Variants in NEXN observed in about 807,000 individuals in gnomAD.
NEXN encodes nexilin.
NEXN carries 65 observed loss-of-function variants against 92.6 expected under a neutral mutation model. That is an observed-to-expected ratio of 0.70 (90% CI 0.57 to 0.86). The LOEUF is 0.86. Among genes scored for constraint, NEXN ranks in the 40% least tolerant of loss-of-function variants. NEXN has a pLI of 0.00. For missense variants in NEXN, 778 were observed against 771.1 expected (o/e 1.01, Z -0.11); for synonymous variants, 254 against 242.5 (o/e 1.05, Z -0.44).
chr1:77,898,323 A>G (rs1647401352), intron 1 of NEXN, among the ~76,000 whole-genome samples: 1 of 152,236 alleles, frequency 6.6e-6, no homozygotes, highest in Non-Finnish European at 1.5e-5. Context: ...ATATAGATCA[A>G]TGGAACAGGA....
intron 1 of NEXN, among the ~76,000 whole-genome samples, chr1:77,914,615 T>C (rs530863834): frequency 7.4e-4 from 112 of 152,110 alleles, no homozygotes; most frequent in African/African-American, 2.5e-3. Flanking sequence ...TCCCAGCACT[T>C]TGGGAGGCCT....
chr1:77,932,136 C>CCTA (rs1474194609), intron 9 of NEXN: 1 of 152,242 alleles, frequency 6.6e-6, no homozygotes, highest in Non-Finnish European at 1.5e-5. Flanking sequence ...CCATGTTAGT[C>CCTA]AGGCTGGTCT....
chr1:77,934,855 A>C (rs1780050), intron 10 of NEXN, among the ~76,000 whole-genome samples: 56,957 of 152,134 alleles, frequency 0.37, 10,904 homozygotes, highest in East Asian at 0.54. Context: ...CCAATTTATA[A>C]CCTAGGAACC....
At chr1:77,889,288 A>T (rs568622252) in intron 1 of NEXN, 87 of 150,558 alleles carry the variant, frequency 5.8e-4, no homozygotes, top group African/African-American at 2.0e-3. Context: ...ATGGGGAGAA[A>T]TATGATTTAA....
intron 1 of NEXN, among the ~76,000 whole-genome samples, chr1:77,894,331 T>C (rs1359925579): frequency 6.6e-6 from 1 of 152,200 alleles, no homozygotes; most frequent in Non-Finnish European, 1.5e-5. Context: ...ATAGGTGAAA[T>C]AGGATCTAAT....
chr1:77,940,796 TATA>T (rs1023540564), intron 11 of NEXN, among the ~76,000 whole-genome samples: 7 of 152,124 alleles, frequency 4.6e-5, no homozygotes, highest in Non-Finnish European at 1.5e-5. Flanking sequence ...GTCTTTTATG[TATA>T]ATAATTTTTT....
chr1:77,942,608 G>A lies in NEXN; in HGVS notation c.1807G>A (p.Val603Ile). 6.2e-7 allele frequency: 1 copy of A among 1,613,814 alleles called. No homozygotes were observed. The highest frequency in any genetic ancestry group is 1.3e-5 in the African/African-American group (1 of 75,018). Residue 603 changes from valine (V) to isoleucine (I), a missense_variant, in exon 13 of 13, where the codon GTT (valine) becomes ATT (isoleucine). Val to Ile is a conservative substitution (Grantham distance 29). Transcript: ENST00000334785. ...VVDSEPVRFTVKVTGEPKPEI... is the reference protein window; with the variant it reads ...VVDSEPVRFTIKVTGEPKPEI... ...AGACAGTGAGCCAGTCAGATTTACG[G>A]TTAAAGTAACAGGAGAACCCAAACC...
chr1:77,917,045 C>T (rs1006753351), intron 2 of NEXN, among the ~76,000 whole-genome samples: 2 of 152,156 alleles, frequency 1.3e-5, no homozygotes, highest in African/African-American at 4.8e-5. Flanking sequence ...CAAATAAGGA[C>T]TAAAGGACTG....
chr1:77,926,827 G>T lies in NEXN; in HGVS notation c.799G>T (p.Glu267Ter), dbSNP rs771262904. 9.3e-6 allele frequency: 15 copies of T among 1,613,898 alleles called. No individual in the cohort carries two copies. Among genetic ancestry groups the T allele is most frequent in the Non-Finnish European group, 1.3e-5 (15 of 1,179,998 alleles). Residue 267 changes from glutamate (E) to a stop codon, truncating the protein, a stop_gained, in exon 8 of 13, where the codon GAA (glutamate) becomes TAA (stop). Transcript: ENST00000334785. LOFTEE classifies it high-confidence loss of function. ...ACAAGAAAACCGAAAGAAGCAAGCTGAAGAGGAAGCAAGAAAACGTTTAGA... is the reference window on the plus strand; with the variant it reads ...ACAAGAAAACCGAAAGAAGCAAGCTTAAGAGGAAGCAAGAAAACGTTTAGA... ...QRQENRKKQA[E>*]EEARKRLEEE... is the part of the protein sequence containing the mutation.
chr1:77,898,083 G>A (rs1006292364), intron 1 of NEXN, among the ~76,000 whole-genome samples: 4 of 151,650 alleles, frequency 2.6e-5, no homozygotes, highest in African/African-American at 9.8e-5. Flanking sequence ...TGGCCATACT[G>A]CCCAAGGTAA....
Position 77,918,337 on chromosome 1 carries a change from G to A in NEXN, c.447+64G>A. On this transcript the variant is annotated intron_variant, in intron 5 of 12. Transcript: ENST00000334785. ...TAACTGTGCAAAGTAAAACTAATCA[G>A]TATGTTGCCTAATTAAAATATTTTA... 2.0e-6 allele frequency: 3 copies of A among 1,494,798 alleles called. No individual in the cohort carries two copies. In the South Asian group the frequency reaches 3.4e-5, roughly 17 times the overall value. The allele number at this position is 1,494,798 out of a possible 1,614,324, so 92.6% of individuals were successfully genotyped here. A position where few individuals can be genotyped will look rare whatever the true frequency, so the allele number is the denominator to read the frequency against.
intron 1 of NEXN, among the ~76,000 whole-genome samples, chr1:77,910,635 C>G (rs1055932770): frequency 5.3e-5 from 8 of 150,992 alleles, no homozygotes; most frequent in African/African-American, 1.9e-4. Flanking sequence ...CCTGTAGTCC[C>G]AGCTACTCGG....
At chr1:77,939,104 CA>C (rs1290980082) in intron 11 of NEXN, among the ~76,000 whole-genome samples, 1 of 152,078 alleles carries the variant, frequency 6.6e-6, no homozygotes, top group Admixed American at 6.6e-5. Flanking sequence ...ACCTAAATAA[CA>C]AAACTAGGTT....
At chr1:77,896,913 A>G (rs1215027102) in intron 1 of NEXN, among the ~76,000 whole-genome samples, 1 of 152,230 alleles carries the variant, frequency 6.6e-6, no homozygotes, top group Non-Finnish European at 1.5e-5. Context: ...AATCTAGAAG[A>G]AATGGATAAA....
intron 5 of NEXN, among the ~76,000 whole-genome samples, chr1:77,919,582 AT>A (rs71075777): frequency 0.017 from 2,192 of 131,926 alleles, 33 homozygotes; most frequent in African/African-American, 0.046. Context: ...CAGGTCAGTC[AT>A]TTTTTTTTTT....
At chr1:77,910,008 T>C (rs762406463) in intron 1 of NEXN, among the ~76,000 whole-genome samples, 2 of 152,212 alleles carry the variant, frequency 1.3e-5, no homozygotes, top group Non-Finnish European at 2.9e-5. Flanking sequence ...TTATAACCAA[T>C]TGGGAATTAT....
In NEXN at chr1:77,900,300, C is replaced by T. The variant is rs561567262; in HGVS notation, c.-53+11541C>T. Among the ~76,000 whole-genome samples the T allele has an allele frequency of 2.0e-5, 3 of 152,302 alleles. No individual in the cohort carries two copies. The South Asian group carries it at 6.2e-4, about 32-fold the overall frequency. ...AGGTCTAACTCAAATGTCATTGTCT[C>T]CGTGAAACCTTCTTTAACCCAGCCT... On this transcript the variant is annotated intron_variant, in intron 1 of 12. Transcript: ENST00000334785.
chr1:77,942,398 T>C (rs1221884456), intron 12 of NEXN, 63 bp from the exon 13 acceptor site: 7 of 1,560,960 alleles, frequency 4.5e-6, no homozygotes, highest in Non-Finnish European at 6.2e-6. Context: ...TTCAAAATTG[T>C]TACTAAATCG....
Position 77,917,623 on chromosome 1 carries a change from G to A in NEXN, c.85G>A (p.Gly29Ser), listed in dbSNP as rs747778287. 1 of 1,613,344 alleles carries A rather than the reference G, an allele frequency of 6.2e-7. No homozygotes were observed. ...AACCTATGTACCAAAACTTGGCAAGGGTGATGTAAAGGATAAGTTTGAAGC... is the reference window on the plus strand; with the variant it reads ...AACCTATGTACCAAAACTTGGCAAGAGTGATGTAAAGGATAAGTTTGAAGC... ...PKTYVPKLGK[G>S]DVKDKFEAMQ... The change falls in exon 3 of 13, where the codon GGT becomes AGT. Residue 29 changes from glycine to serine, a missense_variant. Gly to Ser is a moderately conservative substitution (Grantham distance 56). Around this residue, in one of 3 missense-constraint regions of NEXN, gnomAD observed 236 missense variants for 265.6 expected, o/e 0.89. Transcript: ENST00000334785.
Sources: allele counts gnomAD v4.1 joint callset (sites outside exome capture counted in the v4.1 genomes callset), GRCh38; gene constraint gnomAD v4.1.1; regional missense constraint gnomAD v4.1.1; transcripts MANE v1.5; gene names NCBI Gene and HGNC (gene_info 2026-07-23, HGNC 2026-07-21).